The following PNCK variants were observed in gnomAD, a reference collection of about 807,000 sequenced individuals.
The protein encoded by PNCK is pregnancy up-regulated nonubiquitous CaM kinase, also known as calcium/calmodulin-dependent protein kinase type 1B.
PNCK carries 21 observed loss-of-function variants against 28.3 expected under a neutral mutation model. The ratio of observed to expected loss-of-function variants is 0.74; its 90% CI spans 0.53 to 1.07. PNCK has a LOEUF of 1.07. Among genes scored for constraint, PNCK ranks in the 50% least tolerant of loss-of-function variants. The pLI is 0.00. For missense variants in PNCK, 250 were observed against 298.3 expected (o/e 0.84, Z 1.19); for synonymous variants, 136 against 125.2 (o/e 1.09, Z -0.58).
intron 1 of PNCK, among the ~76,000 whole-genome samples, chrX:153,683,244 G>A (rs184124017): frequency 9.9e-5 from 11 of 111,568 alleles, no homozygotes; most frequent in Admixed American, 4.8e-4. Context: ...AGGTTCAAGC[G>A]ATTCTCCTGC....
At chrX:153,682,274 C>T (rs1395359267) in intron 1 of PNCK, among the ~76,000 whole-genome samples, 2 of 110,033 alleles carry the variant, frequency 1.8e-5, no homozygotes, top group African/African-American at 6.6e-5. Flanking sequence ...CAGGTGTGGG[C>T]CACCGCACCG....
chrX:153,671,847 G>A, intron 5 of PNCK, 33 bp downstream of exon 5: 1 of 1,201,202 alleles, frequency 8.3e-7, no homozygotes, highest in South Asian at 1.8e-5. Context: ...TGGGCAGGTG[G>A]GAGGGTGGGG....
chrX:153,683,069 C>T (rs1011778764), intron 1 of PNCK, among the ~76,000 whole-genome samples: 9 of 112,155 alleles, frequency 8.0e-5, no homozygotes, highest in Non-Finnish European at 1.1e-4. Context: ...GTTGAATACA[C>T]GTAGAGGAGA....
In PNCK at chrX:153,671,617, T is replaced by A. The variant is rs201553565; in HGVS notation, c.470A>T (p.Asp157Val). ...AGCCTGGATTTTGGAGAGTCCAAAGTCAGAGACCATGATCTTCGAGTCCTC... is the reference window on the plus strand; with the variant it reads ...AGCCTGGATTTTGGAGAGTCCAAAGACAGAGACCATGATCTTCGAGTCCTC... The part of the protein sequence containing the change: ...PFEDSKIMVS[D>V]FGLSKIQAGN... The change falls in exon 6 of 12, where the codon GAC becomes GTC. Residue 157 changes from aspartate (D) to valine (V), a missense_variant. Physicochemically the swap from Asp to Val is radical, Grantham distance 152. Transcript: ENST00000340888. 1 of 1,206,839 alleles carries A rather than the reference T, an allele frequency of 8.3e-7. No individual in the cohort carries two copies. The highest frequency in any genetic ancestry group is 1.7e-5 in the African/African-American group (1 of 57,563).
At chrX:153,683,287 C>T (rs1011248801) in intron 1 of PNCK, among the ~76,000 whole-genome samples, 27 of 110,662 alleles carry the variant, frequency 2.4e-4, no homozygotes, top group African/African-American at 7.9e-4. Flanking sequence ...ATTACAGGCC[C>T]GTGCCACCAC....
chrX:153,679,427 G>A (rs1603208034), upstream of PNCK, among the ~76,000 whole-genome samples: 1 of 108,969 alleles, frequency 9.2e-6, no homozygotes, highest in South Asian at 4.0e-4. Context: ...CCCTAAAGAT[G>A]TATGCTGTTA....
At chrX:153,675,837 T>C (rs1345096440), upstream of PNCK, among the ~76,000 whole-genome samples, 5 of 109,577 alleles carry the variant, frequency 4.6e-5, no homozygotes, top group Non-Finnish European at 9.5e-5. Context: ...ATATTGTGTG[T>C]TTACAAGAGA....
intron 1 of PNCK, chrX:153,686,926 G>A (rs1232242385): frequency 1.8e-5 from 2 of 113,609 alleles, no homozygotes; most frequent in African/African-American, 6.5e-5. Flanking sequence ...AGCTTAACGG[G>A]ATGAGCCATC....
upstream of PNCK, among the ~76,000 whole-genome samples, chrX:153,679,909 G>A (rs1268175014): frequency 9.1e-6 from 1 of 110,165 alleles, no homozygotes; most frequent in African/African-American, 3.3e-5. Context: ...CAAATTAGCC[G>A]GGTGTGGTGG....
At position 153,672,309 on chromosome X, in the gene PNCK, A is replaced by C. The variant is rs782670032; in HGVS notation, c.201-109T>G. The C allele has an allele frequency of 6.6e-6, 6 of 909,424 alleles. No homozygotes were observed. The South Asian group carries it at 1.0e-4, about 15-fold the overall frequency. 74.9% of individuals were successfully genotyped at this position (909,424 alleles called of 1,213,427 possible). ...TCTCTTCCTCCCACCTCTGCTCCCC[A>C]TTCCCTACCACATGCCACCCCTGCC... On this transcript the variant is annotated intron_variant, in intron 3 of 11. Coordinates refer to ENST00000340888, the MANE Select transcript of PNCK (RefSeq NM_001366977.1).
intron 11 of PNCK, 25 bp from the exon 12 acceptor site, chrX:153,670,155 G>C: frequency 2.6e-6 from 1 of 379,315 alleles, no homozygotes; most frequent in Non-Finnish European, 4.7e-6. Context: ...CAGAGGGAAA[G>C]GGGGTAGTCA....
At chrX:153,681,421 C>T (rs143962759) in intron 1 of PNCK, among the ~76,000 whole-genome samples, 1,301 of 111,537 alleles carry the variant, frequency 0.012, 24 homozygotes, top group African/African-American at 0.039. Context: ...CCCGATGAGG[C>T]GCTTCACCCC....
rs782244012 is a variant in PNCK at position 153,672,883 on chromosome X, A to G, written c.68+126T>C. On this transcript the variant is annotated intron_variant, in intron 2 of 11. Transcript: ENST00000340888. ...GACTCACTCACATTCACACACCCCT[A>G]CATATTCACACACACACACATCATC... 12 of 931,475 alleles carry G rather than the reference A, an allele frequency of 1.3e-5. No homozygotes were observed. In the African/African-American group the frequency reaches 1.8e-4, roughly 14 times the overall value. The allele number at this position is 931,475 out of a possible 1,213,427, so 76.8% of individuals were successfully genotyped here. A position where few individuals can be genotyped will look rare whatever the true frequency, so the allele number is the denominator to read the frequency against.
At chrX:153,676,993 G>A (rs782607558), upstream of PNCK, among the ~76,000 whole-genome samples, 1 of 112,068 alleles carries the variant, frequency 8.9e-6, no homozygotes, top group South Asian at 3.8e-4. Flanking sequence ...AGGCTGGCAG[G>A]CAATTGTGTG....
At chrX:153,683,341 C>T (rs1557042716) in intron 1 of PNCK, among the ~76,000 whole-genome samples, 1 of 110,861 alleles carries the variant, frequency 9.0e-6, no homozygotes, top group Admixed American at 9.6e-5. Context: ...GGGGCTTCAC[C>T]ATGTTAGCCT....
chrX:153,683,682 C>A (rs1443529149), intron 1 of PNCK, among the ~76,000 whole-genome samples: 1 of 111,864 alleles, frequency 8.9e-6, no homozygotes, highest in Non-Finnish European at 1.9e-5. Context: ...GTGTGAGCCA[C>A]CGCACCCAGC....
upstream of PNCK, chrX:153,674,278 G>A: frequency 1.1e-5 from 12 of 1,044,920 alleles, no homozygotes; most frequent in Non-Finnish European, 1.5e-5. Context: ...CCTCACCCTC[G>A]CTTTCTTCTC....
upstream of PNCK, among the ~76,000 whole-genome samples, chrX:153,677,646 G>GTA (rs1219884755): frequency 2.1e-5 from 2 of 96,690 alleles, no homozygotes; most frequent in Admixed American, 2.3e-4. Flanking sequence ...TATATATAGT[G>GTA]TATATATATA....
In PNCK at chrX:153,672,592, C is replaced by A; in HGVS notation, c.174G>T (p.Val58=). The A allele has an allele frequency of 8.3e-7, 1 of 1,207,872 alleles. No individual in the cohort carries two copies. ...KKALRGKEAL[V]ENEIAVLRRI... is the part of the protein sequence containing the mutation. The stretch of plus-strand genomic sequence containing the variant: ...TACGGAGCACTGCGATCTCGTTCTC[C>A]ACCAGGGCCTCCTTGCCCCGGAGGG... Residue 58 remains valine (V), a synonymous_variant, in exon 3 of 12, where the codon GTG becomes GTT. Coordinates refer to ENST00000340888, the MANE Select transcript of PNCK (RefSeq NM_001366977.1).
Sources: allele counts gnomAD v4.1 joint callset (sites outside exome capture counted in the v4.1 genomes callset), GRCh38; gene constraint gnomAD v4.1.1; transcripts MANE v1.5; gene names NCBI Gene and HGNC (gene_info 2026-07-23, HGNC 2026-07-21).